The following DMD variants were observed in gnomAD, a reference collection of about 807,000 sequenced individuals.
DMD encodes mutant dystrophin.
Under a neutral mutation model 330.1 loss-of-function variants are expected in DMD, and 63 were observed. That is an observed-to-expected ratio of 0.19 (90% CI 0.16 to 0.24). The LOEUF (loss-of-function observed/expected upper bound fraction) is 0.24, where lower values mean the gene tolerates loss of function less well. Ranked by LOEUF, DMD falls within the 10% of genes least tolerant of loss-of-function variation. The probability of loss-of-function intolerance (pLI) is 1.00; values close to 1 mark genes in which losing one functional copy is unlikely to be tolerated. For synonymous variants in DMD, 1,223 were observed against 959.8 expected (o/e 1.27, Z -5.07); for missense variants, 3,344 against 2,684.1 (o/e 1.25, Z -5.43).
chrX:32,963,413 T>G (rs1054420347), intron 2 of DMD, among the ~76,000 whole-genome samples: 1 of 112,140 alleles, frequency 8.9e-6, no homozygotes, highest in Non-Finnish European at 1.9e-5. Flanking sequence ...TATGAAAGTC[T>G]TGATGATGCC....
intron 34 of DMD, 79 bp downstream of exon 34, chrX:32,380,431 C>T: frequency 1.1e-6 from 1 of 900,535 alleles, no homozygotes; most frequent in Non-Finnish European, 1.6e-6. Context: ...ATTATTGCTA[C>T]ATGTTAATAC....
At chrX:31,569,079 A>G (rs2075618280) in intron 55 of DMD, among the ~76,000 whole-genome samples, 2 of 111,343 alleles carry the variant, frequency 1.8e-5, no homozygotes, top group South Asian at 7.5e-4. Flanking sequence ...CTCTACATAC[A>G]TTGAGAACCA....
At chrX:32,435,017 A>C (rs2098254004) in intron 29 of DMD, among the ~76,000 whole-genome samples, 1 of 93,552 alleles carries the variant, frequency 1.1e-5, no homozygotes, top group African/African-American at 3.4e-5. Flanking sequence ...TACTTATTTT[A>C]GATTTATTGT....
At chrX:33,196,924 C>T (rs1176165377) in intron 1 of DMD, among the ~76,000 whole-genome samples, 1 of 111,192 alleles carries the variant, frequency 9.0e-6, no homozygotes, top group Non-Finnish European at 1.9e-5. Flanking sequence ...AGTTACCATG[C>T]CCGTGGACCA....
Position 32,880,717 on chromosome X carries a change from G to T in DMD, c.94-30897C>A, listed in dbSNP as rs778709686. On this transcript the variant is annotated intron_variant, in intron 2 of 78. Coordinates refer to ENST00000357033, the MANE Select transcript of DMD (RefSeq NM_004006.3). The stretch of plus-strand genomic sequence containing the variant: ...CCCAGCACTTTAGACGGCCGAGGTG[G>T]GAAGACCACCTGAGGTCGGGAGTTC... 1.1e-4 allele frequency among the ~76,000 whole-genome samples: 12 copies of T among 112,327 alleles called. No individual in the cohort carries two copies. In the East Asian group the frequency reaches 3.1e-3, roughly 29 times the overall value.
At chrX:32,953,398 T>A (rs2091379312) in intron 2 of DMD, among the ~76,000 whole-genome samples, 1 of 111,599 alleles carries the variant, frequency 9.0e-6, no homozygotes, top group African/African-American at 3.3e-5. Context: ...AGTCTTTATA[T>A]TTTTTGTCCC....
intron 55 of DMD, among the ~76,000 whole-genome samples, chrX:31,605,635 T>G (rs2077574576): frequency 2.7e-5 from 3 of 111,780 alleles, no homozygotes; most frequent in Admixed American, 9.5e-5. Flanking sequence ...TTGCTCTAAA[T>G]GAATCAATTT....
At chrX:31,708,728 A>G (rs2084383280) in intron 52 of DMD, among the ~76,000 whole-genome samples, 1 of 112,127 alleles carries the variant, frequency 8.9e-6, no homozygotes, top group East Asian at 2.8e-4. Flanking sequence ...TATAAAATGC[A>G]TTTTAGATTA....
intron 60 of DMD, among the ~76,000 whole-genome samples, chrX:31,403,234 G>A (rs1160024949): frequency 3.6e-5 from 4 of 111,838 alleles, no homozygotes; most frequent in Non-Finnish European, 7.5e-5. Context: ...CAAGAACCCT[G>A]CTATTTTAAC....
chrX:32,874,981 T>A (rs1876520244), intron 2 of DMD, among the ~76,000 whole-genome samples: 1 of 112,109 alleles, frequency 8.9e-6, no homozygotes, highest in South Asian at 3.7e-4. Flanking sequence ...TGATGTCAAC[T>A]GACACCACAC....
At chrX:33,174,854 A>T (rs1474982329) in intron 1 of DMD, among the ~76,000 whole-genome samples, 1 of 112,177 alleles carries the variant, frequency 8.9e-6, no homozygotes, top group Non-Finnish European at 1.9e-5. Flanking sequence ...GTAGCCACAA[A>T]TATTCTCAAA....
At chrX:31,638,697 C>T (rs935761910) in intron 54 of DMD, among the ~76,000 whole-genome samples, 2 of 112,362 alleles carry the variant, frequency 1.8e-5, no homozygotes, top group African/African-American at 6.5e-5. Flanking sequence ...GGATTTATCC[C>T]TGTATGCAGG....
At chrX:32,537,135 G>T (rs1316602063) in intron 17 of DMD, among the ~76,000 whole-genome samples, 2 of 111,725 alleles carry the variant, frequency 1.8e-5, no homozygotes, top group East Asian at 5.7e-4. Flanking sequence ...AGTTCAGGAT[G>T]TACCATTCTT....
chrX:32,972,333 A>G (rs1201955065), intron 2 of DMD, among the ~76,000 whole-genome samples: 3 of 110,058 alleles, frequency 2.7e-5, no homozygotes, highest in African/African-American at 9.9e-5. Flanking sequence ...ATGCACCACG[A>G]CGCTCTGTTA....
At chrX:32,694,344 C>A (rs892357158) in intron 9 of DMD, among the ~76,000 whole-genome samples, 6 of 111,705 alleles carry the variant, frequency 5.4e-5, no homozygotes, top group African/African-American at 1.6e-4. Context: ...GCATTCATAG[C>A]CTCATAGGCA....
intron 55 of DMD, among the ~76,000 whole-genome samples, chrX:31,601,043 T>C (rs146380051): frequency 1.8e-5 from 2 of 111,598 alleles, no homozygotes; most frequent in African/African-American, 6.5e-5. Context: ...GACTGAGATA[T>C]CAACACAAAT....
At chrX:31,350,619 GT>G (rs2058342073) in intron 60 of DMD, among the ~76,000 whole-genome samples, 1 of 48,015 alleles carries the variant, frequency 2.1e-5, no homozygotes, top group Admixed American at 1.9e-4. Flanking sequence ...GTGTGTGTGT[GT>G]GTGTGTGTGT....
intron 67 of DMD, among the ~76,000 whole-genome samples, chrX:31,197,872 T>G (rs939889982): frequency 9.1e-6 from 1 of 110,107 alleles, no homozygotes; most frequent in Non-Finnish European, 1.9e-5. Flanking sequence ...ATAAAGAAAA[T>G]GTACTATAAA....
intron 62 of DMD, among the ~76,000 whole-genome samples, chrX:31,300,403 A>G (rs1389318181): frequency 1.8e-5 from 2 of 112,190 alleles, no homozygotes; most frequent in East Asian, 2.8e-4. Flanking sequence ...TCTTCAGTCA[A>G]GTAATATTAT....
Sources: allele counts gnomAD v4.1 joint callset (sites outside exome capture counted in the v4.1 genomes callset), GRCh38; gene constraint gnomAD v4.1.1; transcripts MANE v1.5; gene names NCBI Gene and HGNC (gene_info 2026-07-23, HGNC 2026-07-21).